The following AFG2A variants were observed in gnomAD, a reference collection of about 807,000 sequenced individuals.
AFG2A encodes the protein ATPase family gene 2 protein homolog A.
the AFG2A span, among the ~76,000 whole-genome samples, chr4:123,226,247 T>C: frequency 6.6e-6 from 1 of 152,334 alleles, no homozygotes; most frequent in East Asian, 1.9e-4. Flanking sequence ...TCCAACACTA[T>C]GTTGAATAGG....
At chr4:123,036,390 G>A in the AFG2A span, among the ~76,000 whole-genome samples, 4 of 152,118 alleles carry the variant, frequency 2.6e-5, no homozygotes, top group Admixed American at 6.5e-5. Context: ...AGGTGAGAGA[G>A]AAAATACCAG....
the AFG2A span, among the ~76,000 whole-genome samples, chr4:123,067,534 A>C: frequency 6.6e-6 from 1 of 152,230 alleles, no homozygotes; most frequent in South Asian, 2.1e-4. Flanking sequence ...AAAAAGAAAG[A>C]GAGAAAAGAA....
the AFG2A span, among the ~76,000 whole-genome samples, chr4:123,268,593 C>T: frequency 6.6e-5 from 10 of 152,146 alleles, no homozygotes; most frequent in African/African-American, 2.2e-4. Context: ...AGAAGCTGTA[C>T]GACAGGAGAG....
chr4:123,093,534 C>G, the AFG2A span, among the ~76,000 whole-genome samples: 1 of 152,118 alleles, frequency 6.6e-6, no homozygotes, highest in Non-Finnish European at 1.5e-5. Context: ...TTCACTTTGC[C>G]CCATGTGGAC....
the AFG2A span, among the ~76,000 whole-genome samples, chr4:123,055,109 A>G: frequency 3.9e-5 from 6 of 152,232 alleles, no homozygotes; most frequent in South Asian, 1.0e-3. Flanking sequence ...CCTGCACCCT[A>G]TGATTCACGT....
At chr4:122,986,747 A>T in the AFG2A span, among the ~76,000 whole-genome samples, 10 of 152,174 alleles carry the variant, frequency 6.6e-5, no homozygotes, top group Admixed American at 2.0e-4. Flanking sequence ...CTTGTGGAAA[A>T]ATTAAAAATA....
At chr4:123,318,642 C>T in the AFG2A span, 2 of 151,904 alleles carry the variant, frequency 1.3e-5, no homozygotes. Flanking sequence ...TGTATGAAAG[C>T]TGGGCATGGT....
the AFG2A span, among the ~76,000 whole-genome samples, chr4:123,184,826 G>A: frequency 6.6e-6 from 1 of 152,054 alleles, no homozygotes; most frequent in South Asian, 2.1e-4. Context: ...GTGAGCCACC[G>A]CGCCCGGCCC....
chr4:123,261,414 C>T, the AFG2A span, among the ~76,000 whole-genome samples: 1 of 152,010 alleles, frequency 6.6e-6, no homozygotes, highest in African/African-American at 2.4e-5. Flanking sequence ...CAAAAAATAA[C>T]AATACAACAA....
chr4:123,177,581 T>TA, the AFG2A span, among the ~76,000 whole-genome samples: 1 of 152,184 alleles, frequency 6.6e-6, no homozygotes, highest in Non-Finnish European at 1.5e-5. Context: ...GATTTCTTTT[T>TA]AAAAAAGTAA....
chr4:123,187,565 A>G, the AFG2A span, among the ~76,000 whole-genome samples: 1 of 152,120 alleles, frequency 6.6e-6, no homozygotes. Context: ...AAACTTGGAA[A>G]TTCTGACATC....
chr4:123,159,489 G>T, the AFG2A span, among the ~76,000 whole-genome samples: 1 of 152,134 alleles, frequency 6.6e-6, no homozygotes, highest in Non-Finnish European at 1.5e-5. Context: ...ATTAAACTAT[G>T]ATATGCATTG....
chr4:123,118,353 T>A, the AFG2A span, among the ~76,000 whole-genome samples: 7 of 129,820 alleles, frequency 5.4e-5, no homozygotes, highest in Admixed American at 2.3e-4. Flanking sequence ...ATTATATATA[T>A]TATATATATA....
the AFG2A span, among the ~76,000 whole-genome samples, chr4:123,209,608 T>TTTG: frequency 1.3e-5 from 2 of 149,112 alleles, no homozygotes; most frequent in South Asian, 2.2e-4. Flanking sequence ...TTTTTTTTTT[T>TTTG]GAGATAGGTT....
At chr4:123,138,025 T>G in the AFG2A span, among the ~76,000 whole-genome samples, 1 of 152,310 alleles carries the variant, frequency 6.6e-6, no homozygotes, top group East Asian at 1.9e-4. Context: ...AGGACAACAT[T>G]AAGTTGCCTT....
the AFG2A span, among the ~76,000 whole-genome samples, chr4:123,095,053 A>ATATATG: frequency 6.1e-4 from 32 of 52,440 alleles, no homozygotes; most frequent in Middle Eastern, 7.0e-3. Context: ...ATATATATAT[A>ATATATG]TATATATATA....
the AFG2A span, among the ~76,000 whole-genome samples, chr4:123,010,668 T>C: frequency 1.3e-4 from 20 of 152,368 alleles, no homozygotes; most frequent in Admixed American, 1.2e-3. Flanking sequence ...CCCTAAGTTA[T>C]AAAAATGGTA....
the AFG2A span, among the ~76,000 whole-genome samples, chr4:123,282,950 G>T: frequency 6.6e-6 from 1 of 152,004 alleles, no homozygotes; most frequent in Non-Finnish European, 1.5e-5. Flanking sequence ...TGTTTCTTCT[G>T]TATCGGAACA....
chr4:123,022,039 A>G, the AFG2A span, among the ~76,000 whole-genome samples: 4 of 151,458 alleles, frequency 2.6e-5, no homozygotes, highest in Admixed American at 2.6e-4. Context: ...AATTAATTCA[A>G]GATGGATTAA....
Sources: gnomAD v4.1 joint callset for allele counts (sites outside exome capture counted in the v4.1 genomes callset) on GRCh38, gnomAD v4.1.1 for gene constraint, MANE v1.5 for transcripts, NCBI Gene and HGNC (gene_info 2026-07-23, HGNC 2026-07-21) for gene names.